Variants in SIL1 observed in about 807,000 individuals in gnomAD.
SIL1 encodes the protein nucleotide exchange factor SIL1.
A neutral mutation model predicts 49.1 loss-of-function variants in SIL1; 40 were observed. The ratio of observed to expected loss-of-function variants is 0.81; its 90% confidence interval spans 0.63 to 1.06. The LOEUF (loss-of-function observed/expected upper bound fraction) is 1.06, where lower values mean the gene tolerates loss of function less well. Ranked by LOEUF, SIL1 falls within the 50% of genes least tolerant of loss-of-function variation. SIL1 has a pLI of 0.00. For synonymous variants in SIL1, 253 were observed against 250.8 expected, an observed-to-expected ratio of 1.01 and a Z score of -0.08; for missense variants, 500 against 572.6, an observed-to-expected ratio of 0.87 and a Z score of 1.29.
chr5:139,046,007 A>G (rs1185040153), intron 4 of SIL1, among the ~76,000 whole-genome samples: 3 of 152,178 alleles, frequency 2.0e-5, no homozygotes, highest in Non-Finnish European at 4.4e-5. Context: ...CCAGACACAT[A>G]GTAACTAAAT....
chr5:139,066,136 C>T (rs909530737), intron 3 of SIL1, among the ~76,000 whole-genome samples: 4 of 152,282 alleles, frequency 2.6e-5, no homozygotes, highest in South Asian at 2.1e-4. Flanking sequence ...CTTGTTGGCA[C>T]TCTCCTTCTT....
At chr5:139,142,912 G>A (rs1751108853) in intron 1 of SIL1, among the ~76,000 whole-genome samples, 2 of 152,040 alleles carry the variant, frequency 1.3e-5, no homozygotes, top group South Asian at 4.2e-4. Context: ...GGGACTACAG[G>A]TGCCCGCCAC....
chr5:139,112,736 C>G (rs1359104177), intron 3 of SIL1, among the ~76,000 whole-genome samples: 5 of 151,546 alleles, frequency 3.3e-5, no homozygotes, highest in African/African-American at 9.7e-5. Context: ...CGCCTCTGCC[C>G]GGCCGCCCCT....
chr5:139,120,802 C>T (rs1463939510), intron 3 of SIL1, among the ~76,000 whole-genome samples: 7 of 152,190 alleles, frequency 4.6e-5, no homozygotes, highest in African/African-American at 9.7e-5. Flanking sequence ...TCAGAAACCA[C>T]GGCCACCCAC....
At chr5:139,100,703 C>T (rs6596462) in intron 3 of SIL1, among the ~76,000 whole-genome samples, 15,190 of 151,998 alleles carry the variant, frequency 0.1, 1,717 homozygotes, top group African/African-American at 0.28. Context: ...CTGTTGGGAT[C>T]GGCTGTCAGA....
intron 7 of SIL1, among the ~76,000 whole-genome samples, chr5:138,998,153 T>A (rs1412445651): frequency 6.6e-6 from 1 of 152,120 alleles, no homozygotes; most frequent in Non-Finnish European, 1.5e-5. Context: ...TAAAGAAACA[T>A]CTGAGACTGG....
intron 3 of SIL1, among the ~76,000 whole-genome samples, chr5:139,055,502 G>T (rs2150458191): frequency 6.6e-6 from 1 of 152,222 alleles, no homozygotes; most frequent in Admixed American, 6.5e-5. Context: ...CCAGTGGGAT[G>T]CTAGCAAATG....
At chr5:139,160,348 G>C (rs1751487922) in intron 1 of SIL1, among the ~76,000 whole-genome samples, 1 of 152,056 alleles carries the variant, frequency 6.6e-6, no homozygotes, top group South Asian at 2.1e-4. Context: ...AAAGATTAAA[G>C]GAATGAGGAT....
In SIL1 at chr5:138,947,364, T is replaced by C; in HGVS notation, c.1139A>G (p.Glu380Gly). 6.2e-7 allele frequency: 1 copy of C among 1,613,702 alleles called. No individual in the cohort carries two copies. Among genetic ancestry groups the C allele is most frequent in the Middle Eastern group, 1.6e-4 (1 of 6,062 alleles). ...LPGLWEQGWC[E>G]ITAHLLALPE... ...CAGCGCCAGGAGGTGGGCCGTGATC[T>C]CGCACCAGCCCTGTTCCCACAGGCC... The change falls in exon 10 of 10, where the codon GAG (glutamate) becomes GGG (glycine). Residue 380 changes from glutamate (E) to glycine (G), a missense_variant. By Grantham distance (98) the Glu-to-Gly change is moderately conservative (BLOSUM62 -2). Coordinates refer to ENST00000394817, the MANE Select transcript of SIL1 (RefSeq NM_022464.5). This position sits in a 1 kb window ranked among gnomAD's most constrained non-coding sequence, Gnocchi z 4.1.
intron 1 of SIL1, among the ~76,000 whole-genome samples, chr5:139,169,428 CAG>C (rs1161617951): frequency 6.6e-6 from 1 of 151,136 alleles, no homozygotes; most frequent in African/African-American, 2.4e-5. Context: ...TACAATGAAA[CAG>C]AAAAGTATGG....
intron 1 of SIL1, among the ~76,000 whole-genome samples, chr5:139,143,993 A>G (rs1215616448): frequency 6.6e-6 from 1 of 152,246 alleles, no homozygotes; most frequent in Admixed American, 6.5e-5. Flanking sequence ...TTTTAGGTTC[A>G]TGATTCAAAG....
chr5:139,030,664 G>T (rs1768768365), intron 5 of SIL1, among the ~76,000 whole-genome samples: 1 of 151,032 alleles, frequency 6.6e-6, no homozygotes, highest in South Asian at 2.1e-4. Context: ...TTTTTGGGGG[G>T]TAGAAAAAAA....
At chr5:139,172,888 T>C (rs1256090749) in intron 1 of SIL1, among the ~76,000 whole-genome samples, 1 of 152,036 alleles carries the variant, frequency 6.6e-6, no homozygotes, top group East Asian at 1.9e-4. Context: ...ATTTCCAATT[T>C]TAGATAATGC....
At chr5:139,116,543 C>T (rs765018830) in intron 3 of SIL1, among the ~76,000 whole-genome samples, 3 of 152,214 alleles carry the variant, frequency 2.0e-5, no homozygotes, top group Non-Finnish European at 4.4e-5. Context: ...GGGCCCTCTG[C>T]CAGGGCTGCC....
chr5:139,126,417 G>A (rs935183717), intron 2 of SIL1, among the ~76,000 whole-genome samples: 2 of 152,132 alleles, frequency 1.3e-5, no homozygotes, highest in African/African-American at 2.4e-5. Context: ...TTTGTTAATT[G>A]TGCATCTGCT....
chr5:139,156,296 C>A (rs187935033), intron 1 of SIL1, among the ~76,000 whole-genome samples: 49 of 152,140 alleles, frequency 3.2e-4, no homozygotes, highest in African/African-American at 1.1e-3. Flanking sequence ...TAAGTTCACA[C>A]TGATGAAAGT....
intron 7 of SIL1, among the ~76,000 whole-genome samples, chr5:138,953,782 A>T (rs917228430): frequency 1.3e-5 from 2 of 152,164 alleles, no homozygotes; most frequent in Non-Finnish European, 2.9e-5. Flanking sequence ...CTCACCCATG[A>T]CAGGAGGGTC....
intron 5 of SIL1, among the ~76,000 whole-genome samples, chr5:139,037,448 A>G (rs937017583): frequency 6.6e-6 from 1 of 151,474 alleles, no homozygotes; most frequent in Non-Finnish European, 1.5e-5. Flanking sequence ...TATTCTTTCT[A>G]CTCTCCATCT....
At chr5:139,074,314 C>A (rs1307117360) in intron 3 of SIL1, among the ~76,000 whole-genome samples, 1 of 152,196 alleles carries the variant, frequency 6.6e-6, no homozygotes, top group Non-Finnish European at 1.5e-5. Flanking sequence ...GCCTTGGCCT[C>A]CCAAAGTGCT....
Sources: allele counts gnomAD v4.1 joint callset (sites outside exome capture counted in the v4.1 genomes callset), GRCh38; gene constraint gnomAD v4.1.1; non-coding constraint Gnocchi (gnomAD v3.1); transcripts MANE v1.5; gene names NCBI Gene and HGNC (gene_info 2026-07-23, HGNC 2026-07-21).